FAF2: variants seen among roughly 807,000 people sequenced by gnomAD.
FAF2 encodes the protein FAS-associated factor 2.
FAF2 carries 9 observed loss-of-function variants against 62.3 expected under a neutral mutation model. That is an observed-to-expected ratio of 0.14 (90% CI 0.09 to 0.25). FAF2 has a LOEUF of 0.25. FAF2 is among the 10% of genes least tolerant of loss of function. The pLI is 1.00. For synonymous variants in FAF2, 202 were observed against 198.0 expected, an observed-to-expected ratio of 1.02 and a Z score of -0.17; for missense variants, 368 against 556.2, an observed-to-expected ratio of 0.66 and a Z score of 3.40.
intron 2 of FAF2, among the ~76,000 whole-genome samples, chr5:176,483,945 C>T (rs1009872198): frequency 3.9e-5 from 6 of 151,906 alleles, no homozygotes; most frequent in Non-Finnish European, 7.4e-5. Context: ...TGTGGCGGTG[C>T]GTGCCTGTAA....
At chr5:176,448,890 T>C (rs1194934505) in intron 1 of FAF2, among the ~76,000 whole-genome samples, 1 of 152,166 alleles carries the variant, frequency 6.6e-6, no homozygotes, top group Non-Finnish European at 1.5e-5. Context: ...CCCATGCCAT[T>C]TCCACATACA....
intron 4 of FAF2, among the ~76,000 whole-genome samples, chr5:176,490,754 A>G (rs571262526): frequency 4.6e-5 from 7 of 152,220 alleles, no homozygotes; most frequent in Non-Finnish European, 7.4e-5. Flanking sequence ...CATAATGAAA[A>G]CTAAGTTGAC....
intron 1 of FAF2, among the ~76,000 whole-genome samples, chr5:176,475,695 G>T (rs767576033): frequency 3.9e-5 from 6 of 152,042 alleles, no homozygotes; most frequent in Non-Finnish European, 8.8e-5. Flanking sequence ...TTGAACCCAG[G>T]AGGCGCAGGT....
intron 10 of FAF2, among the ~76,000 whole-genome samples, chr5:176,502,556 G>A (rs1221809692): frequency 1.3e-5 from 2 of 151,918 alleles, no homozygotes; most frequent in East Asian, 3.9e-4. Context: ...CTCCAGCCTG[G>A]GCAACAAGTG....
chr5:176,478,994 C>T (rs1758746124), intron 1 of FAF2, among the ~76,000 whole-genome samples, 194 bp from the exon 2 acceptor site: 1 of 152,154 alleles, frequency 6.6e-6, no homozygotes, highest in Non-Finnish European at 1.5e-5. Context: ...AAGGAATTAT[C>T]ATTTTTTTAG....
chr5:176,485,169 T>A (rs1215037341), intron 2 of FAF2, among the ~76,000 whole-genome samples: 5 of 152,152 alleles, frequency 3.3e-5, no homozygotes, highest in Admixed American at 1.3e-4. Flanking sequence ...GTTTCAGGAA[T>A]CTACTAGAGG....
At chr5:176,504,550 C>T (rs1334746900) in intron 10 of FAF2, among the ~76,000 whole-genome samples, 1 of 151,934 alleles carries the variant, frequency 6.6e-6, no homozygotes, top group Non-Finnish European at 1.5e-5. Context: ...TGCCACTGCA[C>T]TCCAACCTGG....
At chr5:176,501,675 A>G (rs1324317756) in intron 10 of FAF2, among the ~76,000 whole-genome samples, 1 of 152,240 alleles carries the variant, frequency 6.6e-6, no homozygotes, top group East Asian at 1.9e-4. Flanking sequence ...ACATTTTGTT[A>G]AGAGAGAAGC....
At chr5:176,504,481 G>A (rs1755645282) in intron 10 of FAF2, among the ~76,000 whole-genome samples, 1 of 151,998 alleles carries the variant, frequency 6.6e-6, no homozygotes, top group Non-Finnish European at 1.5e-5. Context: ...CTGCTTGGGA[G>A]GCTGAGGCAG....
rs765890702 is a variant in FAF2 at position 176,507,398 on chromosome 5, A to G, written c.*448A>G. On this transcript the variant is annotated 3_prime_UTR_variant, in exon 11 of 11. Transcript: ENST00000261942. ...GACTTGCTTCTCCTGCCTCTGGGGA[A>G]GAGAGGGAAGAGAAAGCACAGAGCA... 1.4e-5 allele frequency: 6 copies of G among 437,320 alleles called. No homozygotes were observed. The highest frequency in any genetic ancestry group is 2.3e-5 in the Non-Finnish European group (5 of 217,342). 27.1% of individuals were successfully genotyped at this position (437,320 alleles called of 1,614,324 possible).
Position 176,486,384 on chromosome 5 carries a change from A to G in FAF2, c.162A>G (p.Gln54=), listed in dbSNP as rs1157377178. 1 of 1,614,208 alleles carries G rather than the reference A, an allele frequency of 6.2e-7. No homozygotes were observed. The highest frequency in any genetic ancestry group is 8.5e-7 in the Non-Finnish European group (1 of 1,180,036). ...EAAVQDRLNE[Q]EGVPSVFNPP... ...CTGTACAGGACAGATTGAATGAGCA[A>G]GAGGGCGTACCTAGTGTTTTCAACC... The change falls in exon 3 of 11, where the codon CAA becomes CAG. Residue 54 remains glutamine (Q), a synonymous_variant. Transcript: ENST00000261942.
intron 10 of FAF2, among the ~76,000 whole-genome samples, chr5:176,501,963 G>A (rs1755599524): frequency 6.6e-6 from 1 of 152,014 alleles, no homozygotes. Context: ...CACCATGTTG[G>A]TCAGGCCGGT....
rs1293600993 is a variant in FAF2 at position 176,492,328 on chromosome 5, G to T, written c.479G>T (p.Ser160Ile). 1 of 1,613,176 alleles carries T rather than the reference G, an allele frequency of 6.2e-7. No individual in the cohort carries two copies. ...AHPVFYQGTY[S>I]QALNDAKREL... ...CCTGTCTTCTACCAGGGAACGTACAGCCAGGTCAGTGCCATAAACCATATA... is the reference window on the plus strand; with the variant it reads ...CCTGTCTTCTACCAGGGAACGTACATCCAGGTCAGTGCCATAAACCATATA... Residue 160 changes from serine (S) to isoleucine (I), a missense_variant, in exon 5 of 11, where the codon AGC (serine) becomes ATC (isoleucine). By Grantham distance (142) the Ser-to-Ile change is moderately radical (BLOSUM62 -2). This residue lies in a region of FAF2 where 331 missense variants were observed against 441.9 expected (regional missense o/e 0.75). Transcript: ENST00000261942.
Position 176,507,638 on chromosome 5 carries a change from T to C in FAF2, c.*688T>C, listed in dbSNP as rs896770456. On this transcript the variant is annotated 3_prime_UTR_variant, in exon 11 of 11. Transcript: ENST00000261942. ...AGTGCCCCGGGCTGGTTTGTGCTTA[T>C]TTCTGCCATTGTCCCTCTCACGTTC... 5 of 153,460 alleles carry C rather than the reference T, an allele frequency of 3.3e-5. No homozygotes were observed. Among genetic ancestry groups the C allele is most frequent in the African/African-American group, 1.2e-4 (5 of 41,448 alleles). 9.5% of individuals were successfully genotyped at this position (153,460 alleles called of 1,614,324 possible).
intron 1 of FAF2, among the ~76,000 whole-genome samples, chr5:176,463,200 C>T (rs1758410382): frequency 6.6e-6 from 1 of 151,880 alleles, no homozygotes; most frequent in African/African-American, 2.4e-5. Flanking sequence ...TTGAGACCTG[C>T]CTGGCCAACA....
chr5:176,490,954 T>C (rs1164202349), intron 4 of FAF2, among the ~76,000 whole-genome samples: 3 of 152,204 alleles, frequency 2.0e-5, no homozygotes, highest in African/African-American at 7.2e-5. Flanking sequence ...GTATACAACT[T>C]ACTACATTTT....
chr5:176,461,202 CAG>C (rs956136679), intron 1 of FAF2, among the ~76,000 whole-genome samples: 2 of 151,100 alleles, frequency 1.3e-5, no homozygotes, highest in Non-Finnish European at 2.9e-5. Flanking sequence ...TTAGTAGAGA[CAG>C]GGTTTCACTG....
In FAF2 at chr5:176,490,234, C is replaced by G. The variant is rs181683960; in HGVS notation, c.344+1207C>G. On this transcript the variant is annotated intron_variant, in intron 4 of 10. Transcript: ENST00000261942. The stretch of plus-strand genomic sequence containing the variant: ...GCTGAGGCAGGAGAATGGCGTGAAC[C>G]CGGGAGGCGGAGCTTGCAGTGAGCC... Among the ~76,000 whole-genome samples the G allele has an allele frequency of 1.6e-3, 246 of 151,864 alleles. 1 individual carries two copies. Among genetic ancestry groups the G allele is most frequent in the African/African-American group, 5.7e-3 (234 of 41,410 alleles).
intron 1 of FAF2, among the ~76,000 whole-genome samples, chr5:176,466,456 AC>A (rs1414190245): frequency 2.0e-5 from 3 of 152,136 alleles, no homozygotes; most frequent in African/African-American, 4.8e-5. Context: ...TTTCACACCA[AC>A]CCCGTGCAGC....
Sources: gnomAD v4.1 joint callset for allele counts (sites outside exome capture counted in the v4.1 genomes callset) on GRCh38, gnomAD v4.1.1 for gene constraint, gnomAD v4.1.1 regional missense constraint, MANE v1.5 for transcripts, NCBI Gene and HGNC (gene_info 2026-07-23, HGNC 2026-07-21) for gene names.